PIK3R1: variants seen among roughly 807,000 people sequenced by gnomAD.
PIK3R1 encodes the protein phosphatidylinositol 3-kinase regulatory subunit alpha.
In PIK3R1, 29 loss-of-function variants were observed where a neutral mutation model predicts 98.0. The ratio of observed to expected loss-of-function variants is 0.30; its 90% confidence interval spans 0.22 to 0.40. PIK3R1 has a LOEUF of 0.40. PIK3R1 is among the 10% of genes least tolerant of loss of function. The probability of loss-of-function intolerance (pLI) is 1.00; values close to 1 mark genes in which losing one functional copy is unlikely to be tolerated. For synonymous variants in PIK3R1, 282 were observed against 311.8 expected (o/e 0.90, Z 1.01); for missense variants, 596 against 872.7 (o/e 0.68, Z 3.99).
rs190901968 is a variant in PIK3R1 at position 68,262,660 on chromosome 5, T to C, written c.335-10730T>C. Among the ~76,000 whole-genome samples the C allele has an allele frequency of 3.3e-3, 443 of 133,818 alleles. 1 individual carries two copies. Among genetic ancestry groups the C allele is most frequent in the Middle Eastern group, 4.1e-3 (1 of 244 alleles). The allele number at this position is 133,818 out of a possible 152,430, so 87.8% of individuals were successfully genotyped here. A position where few individuals can be genotyped will look rare whatever the true frequency, so the allele number is the denominator to read the frequency against. On this transcript the variant is annotated intron_variant, in intron 2 of 15. Transcript: ENST00000521381. ...ACATGTATACACATGTATCTGCATGTATACACATGTAGATACATGTATCTG... is the reference window on the plus strand; with the variant it reads ...ACATGTATACACATGTATCTGCATGCATACACATGTAGATACATGTATCTG...
intron 2 of PIK3R1, among the ~76,000 whole-genome samples, chr5:68,242,293 C>G (rs570204595): frequency 3.3e-5 from 5 of 152,206 alleles, no homozygotes; most frequent in Admixed American, 6.5e-5. Flanking sequence ...GAACATGGAT[C>G]AAGTGTCTGA....
At chr5:68,243,428 T>C (rs1167831231) in intron 2 of PIK3R1, among the ~76,000 whole-genome samples, 2 of 152,168 alleles carry the variant, frequency 1.3e-5, no homozygotes, top group Admixed American at 6.5e-5. Flanking sequence ...TCAGAGAAAA[T>C]TCAGCCCTGG....
At chr5:68,295,083 C>A (rs1466410472) in intron 12 of PIK3R1, 65 bp from the exon 13 acceptor site, 4 of 1,347,524 alleles carry the variant, frequency 3.0e-6, no homozygotes, top group Non-Finnish European at 3.0e-6. Flanking sequence ...TGAAACTTTT[C>A]ATAAACTTTG....
At chr5:68,239,264 T>C (rs1744785050) in intron 2 of PIK3R1, among the ~76,000 whole-genome samples, 1 of 152,186 alleles carries the variant, frequency 6.6e-6, no homozygotes, top group Non-Finnish European at 1.5e-5. Context: ...CTATAAAGTA[T>C]GTATCTTCTA....
rs1285898651 is a variant in PIK3R1 at position 68,301,430 on chromosome 5, A to ATGTGTGTG, written c.*3830_*3831insGTGTGTGT. 1.3e-4 allele frequency: 9 copies of ATGTGTGTG among 68,414 alleles called. 1 individual carries two copies. Among genetic ancestry groups the ATGTGTGTG allele is most frequent in the Admixed American group, 1.9e-4 (1 of 5,354 alleles). 4.2% of individuals were successfully genotyped at this position (68,414 alleles called of 1,614,324 possible). On this transcript the variant is annotated 3_prime_UTR_variant, in exon 16 of 16. Transcript: ENST00000521381. ...TATATATATATATATATATATATATATATGTGTGTGTATATATATATATAT... is the reference window on the plus strand; with the variant it reads ...TATATATATATATATATATATATATATGTGTGTGTATGTGTGTGTATATATATATATAT...
chr5:68,235,872 A>ATTTTTTTTTTTTTT (rs56930555), intron 2 of PIK3R1, among the ~76,000 whole-genome samples: 1 of 146,642 alleles, frequency 6.8e-6, no homozygotes, highest in African/African-American at 2.5e-5. Context: ...TCTGCCAGGC[A>ATTTTTTTTTTTTTT]TTTTTTTTTT....
intron 2 of PIK3R1, among the ~76,000 whole-genome samples, chr5:68,229,229 A>G (rs1744389483): frequency 6.6e-6 from 1 of 152,224 alleles, no homozygotes; most frequent in South Asian, 2.1e-4. Flanking sequence ...CGAGAATTCA[A>G]TAGCTCCTAT....
chr5:68,238,377 A>G (rs1274468143), intron 2 of PIK3R1, among the ~76,000 whole-genome samples: 1 of 152,192 alleles, frequency 6.6e-6, no homozygotes, highest in Non-Finnish European at 1.5e-5. Context: ...AGAAAAAGGG[A>G]GATCATACTG....
intron 1 of PIK3R1, among the ~76,000 whole-genome samples, chr5:68,222,103 T>C (rs1289593312): frequency 6.6e-6 from 1 of 152,222 alleles, no homozygotes; most frequent in Non-Finnish European, 1.5e-5. Flanking sequence ...GCCTTTGCTA[T>C]GTGAATAATC....
intron 2 of PIK3R1, among the ~76,000 whole-genome samples, chr5:68,272,252 C>CAAAAAA (rs36123886): frequency 1.3e-4 from 6 of 46,872 alleles, no homozygotes; most frequent in Non-Finnish European, 2.3e-4. Flanking sequence ...GACCCTGTCT[C>CAAAAAA]AAAAAAAAAA....
At chr5:68,267,094 AGGAG>A (rs1163874841) in intron 2 of PIK3R1, among the ~76,000 whole-genome samples, 1 of 152,194 alleles carries the variant, frequency 6.6e-6, no homozygotes, top group East Asian at 1.9e-4. Context: ...TGGTGAGGAG[AGGAG>A]GAAATCCCTT....
At chr5:68,242,939 C>G (rs901008348) in intron 2 of PIK3R1, among the ~76,000 whole-genome samples, 4 of 152,116 alleles carry the variant, frequency 2.6e-5, no homozygotes, top group African/African-American at 9.7e-5. Context: ...TTTTGCATGA[C>G]TCATTTTAAA....
chr5:68,279,863 C>A, intron 5 of PIK3R1, 130 bp downstream of exon 5: 1 of 846,142 alleles, frequency 1.2e-6, no homozygotes, highest in Non-Finnish European at 1.8e-6. Flanking sequence ...CCCAACAATA[C>A]CACCTCAAAT....
At position 68,293,664 on chromosome 5, in the gene PIK3R1, T is replaced by G. The variant is rs1747519198; in HGVS notation, c.1300-45T>G. 3 of 1,297,220 alleles carry G rather than the reference T, an allele frequency of 2.3e-6. No individual in the cohort carries two copies. In the East Asian group the frequency reaches 7.0e-5, roughly 30 times the overall value. The allele number at this position is 1,297,220 out of a possible 1,614,324, so 80.4% of individuals were successfully genotyped here. On this transcript the variant is annotated intron_variant, in intron 10 of 15. Transcript: ENST00000521381. ...CAGCTATTTTGTTAAACAATTGTTATTTGATTAAATACCTTATCCATTGAA... is the reference window on the plus strand; with the variant it reads ...CAGCTATTTTGTTAAACAATTGTTAGTTGATTAAATACCTTATCCATTGAA...
Position 68,295,428 on chromosome 5 carries a change from C to T in PIK3R1, c.1754C>T (p.Thr585Ile), listed in dbSNP as rs1747659093. ...KTRDQYLMWL[T>I]QKGVRQKKLN... ...TCAAAACTGTTTTTCAGGTGGTTGA[C>T]TCAAAAAGGTGTTCGGCAAAAGAAG... is the stretch of plus-strand genomic sequence containing the variant. The change falls in exon 14 of 16, where the codon ACT becomes ATT. Residue 585 changes from threonine to isoleucine, a missense_variant. Physicochemically the swap from Thr to Ile is moderately conservative, Grantham distance 89. Around this residue, in one of 3 missense-constraint regions of PIK3R1, gnomAD observed 207 missense variants for 361.4 expected, o/e 0.57. Transcript: ENST00000521381. 6.2e-7 allele frequency: 1 copy of T among 1,614,058 alleles called. No homozygotes were observed. Among genetic ancestry groups the T allele is most frequent in the Non-Finnish European group, 8.5e-7 (1 of 1,180,018 alleles).
chr5:68,254,023 T>C (rs1166120223), intron 2 of PIK3R1, among the ~76,000 whole-genome samples: 2 of 147,538 alleles, frequency 1.4e-5, no homozygotes, highest in Non-Finnish European at 1.5e-5. Context: ...CTTTCCAGAA[T>C]CTTGAGTGAT....
chr5:68,224,563 CAATT>C (rs1250883859), intron 1 of PIK3R1, among the ~76,000 whole-genome samples: 4 of 152,340 alleles, frequency 2.6e-5, no homozygotes, highest in African/African-American at 4.8e-5. Context: ...GCCAACATAA[CAATT>C]AATCTATGAT....
At chr5:68,259,921 A>G (rs1745675083) in intron 2 of PIK3R1, among the ~76,000 whole-genome samples, 1 of 152,308 alleles carries the variant, frequency 6.6e-6, no homozygotes, top group Middle Eastern at 3.4e-3. Flanking sequence ...GGTGCTGACT[A>G]GTACAGCTAT....
intron 7 of PIK3R1, among the ~76,000 whole-genome samples, chr5:68,285,095 A>C (rs2112211888): frequency 6.6e-6 from 1 of 152,390 alleles, no homozygotes; most frequent in East Asian, 1.9e-4. Flanking sequence ...TATTTAACAC[A>C]GGGTGCCTTT....
Sources: gnomAD v4.1 joint callset for allele counts (sites outside exome capture counted in the v4.1 genomes callset) on GRCh38, gnomAD v4.1.1 for gene constraint, gnomAD v4.1.1 regional missense constraint, MANE v1.5 for transcripts, NCBI Gene and HGNC (gene_info 2026-07-23, HGNC 2026-07-21) for gene names.